Variants in AHRR observed in about 807,000 individuals in gnomAD.
AHRR encodes the protein ahR repressor.
Under a neutral mutation model 44.0 loss-of-function variants are expected in AHRR, and 28 were observed. That is an observed-to-expected ratio of 0.64 (90% confidence interval 0.47 to 0.87). The LOEUF is 0.87. AHRR is among the 40% of genes least tolerant of loss of function. The pLI, the probability that AHRR is intolerant of heterozygous loss-of-function variation, is 0.00. For synonymous variants in AHRR, 434 were observed against 407.0 expected (o/e 1.07, Z -0.80); for missense variants, 990 against 953.9 (o/e 1.04, Z -0.50).
At chr5:427,537 C>T (rs773882284) in intron 7 of AHRR, 101 of 1,409,892 alleles carry the variant, frequency 7.2e-5, no homozygotes, top group Admixed American at 2.2e-4. Flanking sequence ...CAGGCACACA[C>T]GCGGGAATGA....
At chr5:356,077 AC>A (rs1481517362) in intron 3 of AHRR, among the ~76,000 whole-genome samples, 1 of 152,210 alleles carries the variant, frequency 6.6e-6, no homozygotes, top group Non-Finnish European at 1.5e-5. Flanking sequence ...AAGGACATGA[AC>A]CAGGGTGATG....
At chr5:416,411 C>T (rs563779182) in intron 5 of AHRR, among the ~76,000 whole-genome samples, 4 of 152,380 alleles carry the variant, frequency 2.6e-5, no homozygotes, top group Admixed American at 6.5e-5. Context: ...GTGCCCGGCA[C>T]GGCGTCTCCT....
rs370727531 is a variant in AHRR at position 398,809 on chromosome 5, C to T, written c.352-14535C>T. ...CCTGGGTCCTGCGGGCTCCGGAGGC[C>T]GTGAGTGGCCCTCAGCAAACTGTGG... On this transcript the variant is annotated intron_variant, in intron 4 of 10. Coordinates refer to ENST00000684583, the MANE Select transcript of AHRR (RefSeq NM_001377236.1). 1.1e-3 allele frequency among the ~76,000 whole-genome samples: 164 copies of T among 152,286 alleles called. 7 individuals carry two copies. In the East Asian group the frequency reaches 0.012, roughly 11 times the overall value.
intron 2 of AHRR, among the ~76,000 whole-genome samples, 197 bp downstream of exon 2, chr5:344,161 C>T (rs1037512127): frequency 6.6e-6 from 1 of 151,146 alleles, no homozygotes; most frequent in South Asian, 2.1e-4. Flanking sequence ...GAGCCCCCGG[C>T]GAGGCTCGTC....
chr5:397,928 C>T (rs376486424), intron 4 of AHRR, among the ~76,000 whole-genome samples: 1,440 of 82,486 alleles, frequency 0.017, 1 homozygote, highest in African/African-American at 0.094. Context: ...TGACCATCCA[C>T]GTAGCCCCTG....
Position 434,926 on chromosome 5 carries a change from G to C in AHRR, c.*92G>C. On this transcript the variant is annotated 3_prime_UTR_variant, in exon 11 of 11. Transcript: ENST00000684583. Reference sequence around the variant, plus strand: ...CCTGCTCCTGGTCAGGCCGGAGCCCGTCCTAAGACACACGCTTTGCAGAGC... The same window carrying C: ...CCTGCTCCTGGTCAGGCCGGAGCCCCTCCTAAGACACACGCTTTGCAGAGC... The C allele has an allele frequency of 6.9e-7, 1 of 1,451,892 alleles. No homozygotes were observed. The highest frequency in any genetic ancestry group is 9.2e-7 in the Non-Finnish European group (1 of 1,092,628). The allele number at this position is 1,451,892 out of a possible 1,614,324, so 89.9% of individuals were successfully genotyped here. A position where few individuals can be genotyped will look rare whatever the true frequency, so the allele number is the denominator to read the frequency against.
intron 3 of AHRR, among the ~76,000 whole-genome samples, chr5:369,609 A>G (rs1435302939): frequency 6.6e-6 from 1 of 152,172 alleles, no homozygotes; most frequent in Non-Finnish European, 1.5e-5. Context: ...CTCCTAGGCC[A>G]CTGGGGAGAG....
chr5:325,991 C>G (rs1451180247), intron 1 of AHRR, among the ~76,000 whole-genome samples: 1 of 152,114 alleles, frequency 6.6e-6, no homozygotes, highest in Non-Finnish European at 1.5e-5. Flanking sequence ...CCATGTTGGC[C>G]AGGCTGGTCT....
chr5:376,575 T>TG (rs1733706000), intron 3 of AHRR, 35 bp from the exon 4 acceptor site: 1 of 219,110 alleles, frequency 4.6e-6, no homozygotes, highest in Non-Finnish European at 7.2e-6. Context: ...GGCCAAGGGT[T>TG]GGGGGTGCCT....
intron 1 of AHRR, among the ~76,000 whole-genome samples, chr5:332,929 C>CTTTTTTTTTTTTTTTTTTTTTTTTTT (rs57937804): frequency 7.6e-6 from 1 of 132,082 alleles, no homozygotes. Flanking sequence ...TGACCTTTGT[C>CTTTTTTTTTTTTTTTTTTTTTTTTTT]TTTTTTTTTT....
At chr5:367,271 C>T (rs1457557573) in intron 3 of AHRR, among the ~76,000 whole-genome samples, 5 of 152,128 alleles carry the variant, frequency 3.3e-5, no homozygotes, top group South Asian at 2.1e-4. Flanking sequence ...TTCGTGGGCA[C>T]GTGGTGGGCC....
chr5:401,564 C>T (rs1245927341), intron 4 of AHRR, among the ~76,000 whole-genome samples: 1 of 152,216 alleles, frequency 6.6e-6, no homozygotes, highest in Non-Finnish European at 1.5e-5. Flanking sequence ...CCAGGCAGGA[C>T]AAGAACTCCA....
chr5:433,329 G>A (rs904064734), intron 10 of AHRR, among the ~76,000 whole-genome samples: 1 of 152,048 alleles, frequency 6.6e-6, no homozygotes, highest in East Asian at 1.9e-4. Flanking sequence ...CACCCAGGTG[G>A]GCCTCCTCCC....
intron 4 of AHRR, among the ~76,000 whole-genome samples, chr5:410,122 A>G (rs987230350): frequency 1.3e-5 from 2 of 152,238 alleles, no homozygotes; most frequent in Non-Finnish European, 2.9e-5. Context: ...CATGAAGTCA[A>G]AATAAGTTCC....
At chr5:430,440 C>T (rs1031751504) in intron 8 of AHRR, among the ~76,000 whole-genome samples, 6 of 152,248 alleles carry the variant, frequency 3.9e-5, no homozygotes, top group African/African-American at 9.6e-5. Flanking sequence ...AGGATACGGC[C>T]GAGGGCCCTT....
At chr5:360,217 C>T (rs936197484) in intron 3 of AHRR, among the ~76,000 whole-genome samples, 47 of 152,150 alleles carry the variant, frequency 3.1e-4, no homozygotes, top group African/African-American at 1.0e-3. Flanking sequence ...CTGAACACCC[C>T]CCAAAGAAAG....
rs1310320925 is a variant in AHRR at position 388,114 on chromosome 5, A to G, written c.351+11398A>G. Among the ~76,000 whole-genome samples, 1 of 152,214 alleles carries G rather than the reference A, an allele frequency of 6.6e-6. No individual in the cohort carries two copies. Among genetic ancestry groups the G allele is most frequent in the African/African-American group, 2.4e-5 (1 of 41,450 alleles). On this transcript the variant is annotated intron_variant, in intron 4 of 10. Coordinates refer to ENST00000684583, the MANE Select transcript of AHRR (RefSeq NM_001377236.1). The surrounding 1 kb of genome is among the most constrained non-coding windows in gnomAD (Gnocchi z 5.2). The stretch of plus-strand genomic sequence containing the variant: ...CCGCCACTGTCCTATGTCCCAATAC[A>G]GGAAGGTCACATTCATGGGTTTGGA...
At chr5:415,542 C>G (rs13176183) in intron 5 of AHRR, among the ~76,000 whole-genome samples, 29 of 93,910 alleles carry the variant, frequency 3.1e-4, no homozygotes, top group African/African-American at 4.2e-4. Flanking sequence ...TCTGCCTGGT[C>G]GGGTGGGAGG....
chr5:328,009 C>T (rs980081400), intron 1 of AHRR, among the ~76,000 whole-genome samples: 1 of 152,052 alleles, frequency 6.6e-6, no homozygotes, highest in African/African-American at 2.4e-5. Context: ...TGTTCAATTC[C>T]CACCTATGAG....
Sources: allele counts gnomAD v4.1 joint callset (sites outside exome capture counted in the v4.1 genomes callset), GRCh38; gene constraint gnomAD v4.1.1; non-coding constraint Gnocchi (gnomAD v3.1); transcripts MANE v1.5; gene names NCBI Gene and HGNC (gene_info 2026-07-23, HGNC 2026-07-21).